Variants in HHIP observed in about 807,000 individuals in gnomAD.
HHIP encodes hedgehog-interacting protein.
Under a neutral mutation model 74.0 loss-of-function variants are expected in HHIP, and 12 were observed. The observed-to-expected ratio is 0.16, with a 90% CI of 0.10 to 0.26. The LOEUF (loss-of-function observed/expected upper bound fraction) is 0.26. Ranked by LOEUF, HHIP falls within the 10% of genes least tolerant of loss-of-function variation. HHIP has a pLI of 1.00. For synonymous variants in HHIP, 309 were observed against 311.6 expected (o/e 0.99, Z 0.09); for missense variants, 788 against 845.0 (o/e 0.93, Z 0.84).
chr4:144,658,702 A>C, intron 2 of HHIP, 88 bp from the exon 3 acceptor site: 1 of 1,125,310 alleles, frequency 8.9e-7, no homozygotes, highest in Non-Finnish European at 1.3e-6. Flanking sequence ...GTTTCCCAAA[A>C]TTCTTTTCCT....
intron 1 of HHIP, among the ~76,000 whole-genome samples, chr4:144,647,644 A>G (rs1272995286): frequency 2.0e-5 from 3 of 152,234 alleles, no homozygotes; most frequent in African/African-American, 7.2e-5. Context: ...TACTCTAAGA[A>G]TTTGTTTTAA....
chr4:144,659,678 G>A lies in HHIP; in HGVS notation c.671G>A (p.Ser224Asn), dbSNP rs151269514. Residue 224 changes from serine (S) to asparagine (N), a missense_variant, in exon 4 of 13, where the codon AGT (serine) becomes AAT (asparagine). Coordinates refer to ENST00000296575, the MANE Select transcript of HHIP (RefSeq NM_022475.3). The part of the protein sequence containing the change: ...HNCFCIQEVV[S>N]GLRQPVGALH... ...TGCTTCTGTATTCAGGAGGTTGTGAGTGGGCTGCGGCAGCCCGTTGGTGCC... is the reference window on the plus strand; with the variant it reads ...TGCTTCTGTATTCAGGAGGTTGTGAATGGGCTGCGGCAGCCCGTTGGTGCC... The A allele has an allele frequency of 1.6e-3, 2,432 of 1,555,982 alleles. 8 individuals are homozygous for A. The highest frequency in any genetic ancestry group is 2.0e-3 in the Non-Finnish European group (2,271 of 1,156,682).
At chr4:144,670,532 G>C (rs1013924434) in intron 4 of HHIP, among the ~76,000 whole-genome samples, 6 of 149,584 alleles carry the variant, frequency 4.0e-5, no homozygotes, top group Non-Finnish European at 8.9e-5. Flanking sequence ...ATACTATTTA[G>C]TTCTAATAAG....
chr4:144,688,644 C>T (rs184634730), intron 4 of HHIP, among the ~76,000 whole-genome samples: 143 of 152,198 alleles, frequency 9.4e-4, no homozygotes, highest in African/African-American at 3.3e-3. Context: ...CTTTAAAAGA[C>T]ACAAGTCACG....
chr4:144,728,542 T>G (rs987437429), intron 11 of HHIP, among the ~76,000 whole-genome samples: 13 of 151,954 alleles, frequency 8.6e-5, no homozygotes, highest in Non-Finnish European at 1.6e-4. Context: ...AATTCAAAGG[T>G]TTTTTTTCCT....
At position 144,742,640 on chromosome 4, in the gene HHIP, A is replaced by G. The variant is rs1731285311; in HGVS notation, c.*4683A>G. 6.6e-6 allele frequency: 1 copy of G among 151,728 alleles called. No individual in the cohort carries two copies. Among genetic ancestry groups the G allele is most frequent in the African/African-American group, 2.4e-5 (1 of 41,366 alleles). The allele number at this position is 151,728 out of a possible 1,614,324, so 9.4% of individuals were successfully genotyped here. A position where few individuals can be genotyped will look rare whatever the true frequency, so the allele number is the denominator to read the frequency against. On this transcript the variant is annotated 3_prime_UTR_variant, in exon 13 of 13. Coordinates refer to ENST00000296575, the MANE Select transcript of HHIP (RefSeq NM_022475.3). ...TGCAGAGGACTCAGACCAAAGTCCC[A>G]TGGCAGAAAATGTACATATTTTTAA...
intron 4 of HHIP, among the ~76,000 whole-genome samples, chr4:144,662,652 CAT>C (rs1728747447): frequency 6.6e-6 from 1 of 152,272 alleles, no homozygotes; most frequent in Admixed American, 6.5e-5. Flanking sequence ...GAATGGGCCA[CAT>C]GTCAAACTGA....
Position 144,646,818 on chromosome 4 carries a change from T to C in HHIP, c.143T>C (p.Leu48Pro), listed in dbSNP as rs1391381557. 6.2e-7 allele frequency: 1 copy of C among 1,614,184 alleles called. No homozygotes were observed. The highest frequency in any genetic ancestry group is 8.5e-7 in the Non-Finnish European group (1 of 1,180,036). The change falls in exon 1 of 13, where the codon CTG becomes CCG. Residue 48 changes from leucine to proline, a missense_variant. By Grantham distance (98) the Leu-to-Pro change is moderately conservative. Around this residue, in one of 3 missense-constraint regions of HHIP, gnomAD observed 373 missense variants for 366.4 expected, o/e 1.02. Coordinates refer to ENST00000296575, the MANE Select transcript of HHIP (RefSeq NM_022475.3). ...RCLNGNPPKR[L>P]KRRDRRMMSQ... ...CTGAATGGGAACCCCCCGAAGCGCCTGAAAAGGAGAGACAGGAGGATGATG... is the reference window on the plus strand; with the variant it reads ...CTGAATGGGAACCCCCCGAAGCGCCCGAAAAGGAGAGACAGGAGGATGATG...
intron 7 of HHIP, 84 bp from the exon 8 acceptor site, chr4:144,711,866 G>T: frequency 7.3e-7 from 1 of 1,371,714 alleles, no homozygotes; most frequent in Middle Eastern, 1.9e-4. Flanking sequence ...TCCACAAAGG[G>T]CTCCTTCCTA....
chr4:144,685,072 C>T (rs780349927), intron 4 of HHIP, among the ~76,000 whole-genome samples: 1 of 152,196 alleles, frequency 6.6e-6, no homozygotes, highest in African/African-American at 2.4e-5. Flanking sequence ...CTGACATTCC[C>T]CGTCCATGTG....
intron 4 of HHIP, among the ~76,000 whole-genome samples, chr4:144,663,055 T>G (rs7687599): frequency 0.36 from 55,047 of 151,982 alleles, 11,343 homozygotes; most frequent in South Asian, 0.52. Context: ...GGAGGCCAAG[T>G]CAGGAGGATT....
chr4:144,647,726 G>T (rs1377737844), intron 1 of HHIP, among the ~76,000 whole-genome samples: 1 of 152,150 alleles, frequency 6.6e-6, no homozygotes, highest in Non-Finnish European at 1.5e-5. Context: ...GACTGTAAAG[G>T]CACGCTTGTT....
chr4:144,709,127 T>C (rs1730222682), intron 7 of HHIP, among the ~76,000 whole-genome samples: 1 of 152,250 alleles, frequency 6.6e-6, no homozygotes, highest in African/African-American at 2.4e-5. Context: ...ATTATTACCA[T>C]TTAATGTTTA....
chr4:144,646,488 T>C lies in HHIP; in HGVS notation c.-188T>C. On this transcript the variant is annotated 5_prime_UTR_variant, in exon 1 of 13. Coordinates refer to ENST00000296575, the MANE Select transcript of HHIP (RefSeq NM_022475.3). Reference sequence around the variant, plus strand: ...GGGCTCCCCTAAGGCATTGGACCCATCGCCGCGTCTTTTATTTTTTGCAAA... The same window carrying C: ...GGGCTCCCCTAAGGCATTGGACCCACCGCCGCGTCTTTTATTTTTTGCAAA... The C allele has an allele frequency of 1.7e-6, 1 of 592,072 alleles. No homozygotes were observed. The highest frequency in any genetic ancestry group is 3.0e-6 in the Non-Finnish European group (1 of 336,472). 36.7% of individuals were successfully genotyped at this position (592,072 alleles called of 1,614,324 possible). A position where few individuals can be genotyped will look rare whatever the true frequency, so the allele number is the denominator to read the frequency against.
chr4:144,664,571 T>C (rs911240204), intron 4 of HHIP, among the ~76,000 whole-genome samples: 3 of 152,160 alleles, frequency 2.0e-5, no homozygotes, highest in African/African-American at 4.8e-5. Context: ...TCAAAGCAGA[T>C]TGAGAAGCAA....
chr4:144,710,127 C>T (rs1294071604), intron 7 of HHIP, among the ~76,000 whole-genome samples: 4 of 152,210 alleles, frequency 2.6e-5, no homozygotes, highest in Non-Finnish European at 4.4e-5. Context: ...ACCTGGTATT[C>T]AGCCAGAGCC....
At chr4:144,707,369 G>A in intron 6 of HHIP, 109 bp downstream of exon 6, 2 of 853,904 alleles carry the variant, frequency 2.3e-6, no homozygotes, top group East Asian at 5.1e-5. Flanking sequence ...GGTCACCTTG[G>A]TTAAATACTT....
intron 7 of HHIP, among the ~76,000 whole-genome samples, chr4:144,710,519 A>G (rs1244064037): frequency 6.6e-6 from 1 of 152,222 alleles, no homozygotes; most frequent in Non-Finnish European, 1.5e-5. Context: ...TACGTCTCTT[A>G]AGAACCAGCA....
chr4:144,715,452 T>C (rs1459822755), intron 10 of HHIP, 22 bp downstream of exon 10: 1 of 1,598,844 alleles, frequency 6.3e-7, no homozygotes, highest in South Asian at 1.1e-5. Context: ...TCTAGTTCTG[T>C]TAAGTTTCAT....
Sources: gnomAD v4.1 joint callset for allele counts (sites outside exome capture counted in the v4.1 genomes callset) on GRCh38, gnomAD v4.1.1 for gene constraint, gnomAD v4.1.1 regional missense constraint, MANE v1.5 for transcripts, NCBI Gene and HGNC (gene_info 2026-07-23, HGNC 2026-07-21) for gene names.